DNAAF9: variants seen among roughly 807,000 people sequenced by gnomAD.
The protein encoded by DNAAF9 is shulin.
A neutral mutation model predicts 167.0 loss-of-function variants in DNAAF9; 90 were observed. That is an observed-to-expected ratio of 0.54 (90% confidence interval 0.45 to 0.64). DNAAF9 has a LOEUF of 0.64. Among genes scored for constraint, DNAAF9 ranks in the 30% least tolerant of loss-of-function variants. The pLI is 0.00. For synonymous variants in DNAAF9, 491 were observed against 508.8 expected (o/e 0.96, Z 0.47); for missense variants, 1,315 against 1,442.2 (o/e 0.91, Z 1.43).
At chr20:3,356,597 CCTTTT>C (rs931138236) in intron 7 of DNAAF9, among the ~76,000 whole-genome samples, 2 of 152,060 alleles carry the variant, frequency 1.3e-5, no homozygotes, top group Non-Finnish European at 2.9e-5. Context: ...CTGCTTTTTC[CCTTTT>C]TTTTCTTGTT....
Position 3,318,274 on chromosome 20 carries a change from A to T in DNAAF9, c.1468+15T>A. On this transcript the variant is annotated intron_variant, in intron 17 of 36. Transcript: ENST00000252032. ...AAGGCTTAAGGTTTGCTTTCTAAAG[A>T]TCACATATACTTACCCTTTTCTTTA... 7.1e-6 allele frequency: 8 copies of T among 1,132,550 alleles called. No homozygotes were observed. The highest frequency in any genetic ancestry group is 1.1e-5 in the Non-Finnish European group (8 of 757,972). The allele number at this position is 1,132,550 out of a possible 1,614,324, so 70.2% of individuals were successfully genotyped here.
intron 8 of DNAAF9, among the ~76,000 whole-genome samples, chr20:3,345,123 A>G (rs184346377): frequency 3.7e-4 from 57 of 152,210 alleles, no homozygotes; most frequent in Middle Eastern, 3.4e-3. Context: ...GGTTCAAGCA[A>G]TTCTCCTGCC....
intron 12 of DNAAF9, among the ~76,000 whole-genome samples, chr20:3,326,959 C>A (rs1487653617): frequency 6.6e-6 from 1 of 152,116 alleles, no homozygotes; most frequent in Non-Finnish European, 1.5e-5. Context: ...TGTTCTCATA[C>A]CCACTTGCTG....
intron 1 of DNAAF9, among the ~76,000 whole-genome samples, chr20:3,390,302 C>A (rs564815204): frequency 4.7e-4 from 71 of 150,488 alleles, no homozygotes; most frequent in African/African-American, 1.5e-3. Flanking sequence ...AAACCACATA[C>A]GGCAAAATGT....
chr20:3,330,773 G>A (rs1235869418), intron 11 of DNAAF9, 91 bp from the exon 12 acceptor site: 3 of 711,124 alleles, frequency 4.2e-6, no homozygotes, highest in Non-Finnish European at 7.1e-6. Flanking sequence ...TACCTGGAAG[G>A]CATTGTCAAG....
At chr20:3,364,946 T>A (rs2083411042) in intron 6 of DNAAF9, among the ~76,000 whole-genome samples, 1 of 127,188 alleles carries the variant, frequency 7.9e-6, no homozygotes, top group Non-Finnish European at 1.8e-5. Context: ...TTTCCTTTTT[T>A]CTTTTTTTTT....
In DNAAF9 at chr20:3,407,649, G is replaced by A; in HGVS notation, c.-92C>T. ...GCTCCACGCTAGCTGCGGCCGGGCG[G>A]GGCGGCAGGGCGTGCCGGGTGGGAG... is the stretch of plus-strand genomic sequence containing the variant. On this transcript the variant is annotated 5_prime_UTR_variant, in exon 1 of 37. Transcript: ENST00000252032. 1.8e-6 allele frequency: 2 copies of A among 1,130,498 alleles called. No individual in the cohort carries two copies. The highest frequency in any genetic ancestry group is 2.2e-6 in the Non-Finnish European group (2 of 923,226). The allele number at this position is 1,130,498 out of a possible 1,614,324, so 70.0% of individuals were successfully genotyped here.
intron 30 of DNAAF9, among the ~76,000 whole-genome samples, chr20:3,268,445 C>CA (rs2068527568): frequency 6.6e-6 from 1 of 152,138 alleles, no homozygotes. Context: ...TCTCTTGCCT[C>CA]AGTCTCCTGA....
chr20:3,399,913 A>G (rs2083960634), intron 1 of DNAAF9, among the ~76,000 whole-genome samples: 1 of 152,184 alleles, frequency 6.6e-6, no homozygotes, highest in African/African-American at 2.4e-5. Flanking sequence ...CTGATAGGCC[A>G]CCTTATCTAA....
At chr20:3,346,780 G>A (rs968259073) in intron 8 of DNAAF9, among the ~76,000 whole-genome samples, 3 of 152,092 alleles carry the variant, frequency 2.0e-5, no homozygotes, top group African/African-American at 7.2e-5. Flanking sequence ...ACACTTCTGA[G>A]TATACCTTGT....
Position 3,256,223 on chromosome 20 carries a change from A to G in DNAAF9, c.3056-12T>C, listed in dbSNP as rs2122730086. The G allele has an allele frequency of 6.3e-7, 1 of 1,593,806 alleles. No individual in the cohort carries two copies. Among genetic ancestry groups the G allele is most frequent in the East Asian group, 2.2e-5 (1 of 44,788 alleles). ...GGTCCTCTCAGAGTCTGTAAGGAGAATACACATTAGTCCCTGAGAGCCTGC... is the reference window on the plus strand; with the variant it reads ...GGTCCTCTCAGAGTCTGTAAGGAGAGTACACATTAGTCCCTGAGAGCCTGC... On this transcript the variant is annotated splice_polypyrimidine_tract_variant and intron_variant, in intron 33 of 36. Coordinates refer to ENST00000252032, the MANE Select transcript of DNAAF9 (RefSeq NM_001009984.3).
intron 6 of DNAAF9, among the ~76,000 whole-genome samples, chr20:3,368,054 C>T (rs553933356): frequency 6.6e-6 from 1 of 152,260 alleles, no homozygotes; most frequent in South Asian, 2.1e-4. Context: ...GCACTATCCT[C>T]GAATCCTTTC....
At position 3,348,637 on chromosome 20, in the gene DNAAF9, G is replaced by C; in HGVS notation, c.691-14C>G. ...AGCCACCAAATCCTGGGAAAAAAAG[G>C]AAAAAGATAACGTGTTTGGTCATAT... is the stretch of plus-strand genomic sequence containing the variant. On this transcript the variant is annotated splice_polypyrimidine_tract_variant and intron_variant, in intron 7 of 36. Transcript: ENST00000252032. 1 of 1,545,626 alleles carries C rather than the reference G, an allele frequency of 6.5e-7. No homozygotes were observed. Among genetic ancestry groups the C allele is most frequent in the African/African-American group, 1.4e-5 (1 of 72,974 alleles).
intron 20 of DNAAF9, among the ~76,000 whole-genome samples, chr20:3,309,982 C>T (rs956486186): frequency 6.6e-6 from 1 of 152,016 alleles, no homozygotes; most frequent in African/African-American, 2.4e-5. Flanking sequence ...CACCTGAAGT[C>T]GGGAGATTGA....
intron 10 of DNAAF9, 97 bp from the exon 11 acceptor site, chr20:3,332,458 C>CTTT: frequency 2.8e-5 from 13 of 470,298 alleles, no homozygotes; most frequent in African/African-American, 6.3e-5. Context: ...AATAAATTTT[C>CTTT]TTTTTTTTTT....
chr20:3,297,150 C>T (rs1489824221), intron 22 of DNAAF9, among the ~76,000 whole-genome samples: 1 of 152,164 alleles, frequency 6.6e-6, no homozygotes, highest in Non-Finnish European at 1.5e-5. Context: ...TTCTGGGTTA[C>T]TCCCCCAGGG....
At chr20:3,366,267 T>C (rs1051736236) in intron 6 of DNAAF9, among the ~76,000 whole-genome samples, 6 of 152,196 alleles carry the variant, frequency 3.9e-5, no homozygotes, top group African/African-American at 9.7e-5. Context: ...AGAATGGATG[T>C]TGTGTTAGTA....
In DNAAF9 at chr20:3,375,076, G is replaced by A. The variant is rs1183669681; in HGVS notation, c.459C>T (p.Asp153=). The change falls in exon 5 of 37, where the codon GAC becomes GAT. Residue 153 remains aspartate (D), a synonymous_variant. Transcript: ENST00000252032. ...AEEFKITSFV[D]MVRDCSRIGI... is the part of the protein sequence containing the mutation. Reference sequence around the variant, plus strand: ...CAATTCTACTACAGTCTCGAACCATGTCCACAAAGCTGGTAATTTTAAATT... The same window carrying A: ...CAATTCTACTACAGTCTCGAACCATATCCACAAAGCTGGTAATTTTAAATT... The A allele has an allele frequency of 1.2e-6, 2 of 1,611,926 alleles. No homozygotes were observed. Among genetic ancestry groups the A allele is most frequent in the African/African-American group, 2.7e-5 (2 of 74,870 alleles).
intron 23 of DNAAF9, chr20:3,296,480 T>G (rs1190758191): frequency 7.0e-6 from 2 of 287,604 alleles, no homozygotes; most frequent in African/African-American, 4.3e-5. Context: ...TGGGCTCAAG[T>G]AACCCTTCCA....
Sources: allele counts gnomAD v4.1 joint callset (sites outside exome capture counted in the v4.1 genomes callset), GRCh38; gene constraint gnomAD v4.1.1; transcripts MANE v1.5; gene names NCBI Gene and HGNC (gene_info 2026-07-23, HGNC 2026-07-21).